The following ARHGEF11 variants were observed in gnomAD, a reference collection of about 807,000 sequenced individuals.
ARHGEF11 encodes the protein Rho guanine exchange factor (GEF) 11.
ARHGEF11 carries 55 observed loss-of-function variants against 193.7 expected under a neutral mutation model. That is an observed-to-expected ratio of 0.28 (90% CI 0.23 to 0.36). The LOEUF (loss-of-function observed/expected upper bound fraction) is 0.36. Ranked by LOEUF, ARHGEF11 falls within the 10% of genes least tolerant of loss-of-function variation. The probability of loss-of-function intolerance (pLI) is 1.00; values close to 1 mark genes in which losing one functional copy is unlikely to be tolerated. For synonymous variants in ARHGEF11, 693 were observed against 768.0 expected, an observed-to-expected ratio of 0.90 and a Z score of 1.62; for missense variants, 1,723 against 2,005.6, an observed-to-expected ratio of 0.86 and a Z score of 2.69.
intron 2 of ARHGEF11, among the ~76,000 whole-genome samples, chr1:156,984,767 T>C (rs915816848): frequency 1.3e-4 from 20 of 152,200 alleles, no homozygotes; most frequent in Non-Finnish European, 1.3e-4. Context: ...GGTCTAGCCA[T>C]CCTCCTGAAG....
intron 15 of ARHGEF11, 115 bp from the exon 16 acceptor site, chr1:156,959,257 T>A: frequency 2.4e-6 from 2 of 830,270 alleles, no homozygotes; most frequent in Non-Finnish European, 3.9e-6. Context: ...GAGGAAGGGC[T>A]GGCTTTCTGC....
At chr1:156,967,649 G>T (rs1388554603) in intron 11 of ARHGEF11, among the ~76,000 whole-genome samples, 25 of 152,130 alleles carry the variant, frequency 1.6e-4, no homozygotes, top group Admixed American at 1.6e-3. Flanking sequence ...AAGGAACGGG[G>T]AAACTGAAAA....
Position 156,947,818 on chromosome 1 carries a change from C to T in ARHGEF11, c.2292G>A (p.Val764=). ...QNWQHTVGKD[V]VAGLTQREID... ...TCTCCCGCTGGGTTAGCCCAGCCAC[C>T]ACATCCTTGCCCACTGTATGCTGCC... The change falls in exon 25 of 41, where the codon GTG becomes GTA. Residue 764 remains valine (V), a synonymous_variant. Coordinates refer to ENST00000368194, the MANE Select transcript of ARHGEF11 (RefSeq NM_198236.3). 1.2e-6 allele frequency: 2 copies of T among 1,613,910 alleles called. No homozygotes were observed. The highest frequency in any genetic ancestry group is 1.7e-6 in the Non-Finnish European group (2 of 1,179,988).
chr1:157,017,728 A>AG (rs1167744825), intron 1 of ARHGEF11, among the ~76,000 whole-genome samples: 1 of 151,270 alleles, frequency 6.6e-6, no homozygotes, highest in African/African-American at 2.4e-5. Context: ...AAAAAAAAAA[A>AG]AAAGAAACGG....
intron 10 of ARHGEF11, among the ~76,000 whole-genome samples, chr1:156,968,703 T>A (rs1036395591): frequency 2.0e-5 from 3 of 152,266 alleles, no homozygotes; most frequent in African/African-American, 7.2e-5. Context: ...TTTGCTAACT[T>A]CATTACTACT....
Position 156,944,744 on chromosome 1 carries a change from C to T in ARHGEF11, c.2991+275G>A, listed in dbSNP as rs541113416. 2.0e-5 allele frequency among the ~76,000 whole-genome samples: 3 copies of T among 152,300 alleles called. No individual in the cohort carries two copies. In the South Asian group the frequency reaches 6.2e-4, roughly 32 times the overall value. ...GCCCATGCCTCCAGCTCTATTCCCT[C>T]CCAGAAGATCTCCACCTTACCTCCA... is the stretch of plus-strand genomic sequence containing the variant. On this transcript the variant is annotated intron_variant, in intron 30 of 40. Coordinates refer to ENST00000368194, the MANE Select transcript of ARHGEF11 (RefSeq NM_198236.3).
chr1:156,948,659 C>A lies in ARHGEF11; in HGVS notation c.1926-161G>T. The A allele has an allele frequency of 1.9e-6, 3 of 1,546,844 alleles. No individual in the cohort carries two copies. The highest frequency in any genetic ancestry group is 2.6e-6 in the Non-Finnish European group (3 of 1,151,638). ...CAGCTGGATGGCAGTGGAAGCTTCT[C>A]AATGACAGACTATTTTTGCTGCTCT... On this transcript the variant is annotated intron_variant, in intron 22 of 40. Coordinates refer to ENST00000368194, the MANE Select transcript of ARHGEF11 (RefSeq NM_198236.3). The surrounding 1 kb of genome is among the most constrained non-coding windows in gnomAD (Gnocchi z 4.2).
chr1:156,978,255 A>G lies in ARHGEF11; in HGVS notation c.459T>C (p.Pro153=). 2 of 1,613,884 alleles carry G rather than the reference A, an allele frequency of 1.2e-6. No individual in the cohort carries two copies. Among genetic ancestry groups the G allele is most frequent in the Non-Finnish European group, 1.7e-6 (2 of 1,179,962 alleles). Residue 153 remains proline, a synonymous_variant, in exon 6 of 41, where the codon CCT becomes CCC. Transcript: ENST00000368194. ...GTTGTGGAGGTGGTAGAGGTGGAGG[A>G]GGTGGTGGTGAGGGGATCACTGACG... The part of the protein sequence containing the change: ...RITSVIPSPP[P]PPPLPPPQRI...
chr1:157,013,299 A>C (rs72700736), intron 1 of ARHGEF11, among the ~76,000 whole-genome samples: 2,594 of 148,700 alleles, frequency 0.017, 40 homozygotes, highest in Middle Eastern at 0.035. Flanking sequence ...ACACACACAC[A>C]CCAAGAACCT....
upstream of ARHGEF11, among the ~76,000 whole-genome samples, chr1:157,045,823 G>GCCGC (rs1187457893): frequency 2.0e-5 from 3 of 150,978 alleles, no homozygotes; most frequent in South Asian, 2.1e-4. Context: ...GGCCCGGCCG[G>GCCGC]CCGCCCCCCT....
intron 1 of ARHGEF11, among the ~76,000 whole-genome samples, chr1:156,996,802 G>A (rs1666574233): frequency 7.0e-6 from 1 of 142,664 alleles, no homozygotes; most frequent in Non-Finnish European, 1.5e-5. Context: ...AAAGACAAGG[G>A]TCTCCATCCT....
chr1:157,022,616 G>C (rs1670129119), intron 1 of ARHGEF11, among the ~76,000 whole-genome samples: 1 of 152,166 alleles, frequency 6.6e-6, no homozygotes, highest in Non-Finnish European at 1.5e-5. Flanking sequence ...CTACAGATTT[G>C]ATGCAATCCC....
Position 156,948,800 on chromosome 1 carries a change from T to C in ARHGEF11, c.1926-302A>G, listed in dbSNP as rs115286841. 19,408 of 985,354 alleles carry C rather than the reference T, an allele frequency of 0.02. 209 individuals are homozygous for C. Among genetic ancestry groups the C allele is most frequent in the Non-Finnish European group, 0.022 (18,204 of 829,924 alleles). The allele number at this position is 985,354 out of a possible 1,614,324, so 61.0% of individuals were successfully genotyped here. ...AAATCTGGGGCTAACAGACTCTGAG[T>C]TGTAGTGTGTCCAGAGGCCTGAGAC... On this transcript the variant is annotated intron_variant, in intron 22 of 40. Transcript: ENST00000368194. The surrounding 1 kb of genome is among the most constrained non-coding windows in gnomAD (Gnocchi z 4.2).
chr1:156,958,626 G>C, intron 17 of ARHGEF11, 116 bp downstream of exon 17: 1 of 1,456,334 alleles, frequency 6.9e-7, no homozygotes, highest in Non-Finnish European at 9.4e-7. Context: ...CATCTTTCAG[G>C]GGCAGGAGAA....
chr1:156,945,120 C>G lies in ARHGEF11; in HGVS notation c.2890G>C (p.Val964Leu). 6.2e-7 allele frequency: 1 copy of G among 1,614,192 alleles called. No individual in the cohort carries two copies. The highest frequency in any genetic ancestry group is 1.7e-5 in the Admixed American group (1 of 60,032). ...REILKYVNEA[V>L]KQTENRHRLE... ...CGGTGGCGGTTCTCTGTTTGTTTTA[C>G]CGCTTCATTCACATACTTGAGAATC... The change falls in exon 30 of 41, where the codon GTA becomes CTA. Residue 964 changes from valine (V) to leucine (L), a missense_variant. Val to Leu is a conservative substitution (Grantham distance 32, BLOSUM62 1). Coordinates refer to ENST00000368194, the MANE Select transcript of ARHGEF11 (RefSeq NM_198236.3).
intron 1 of ARHGEF11, among the ~76,000 whole-genome samples, chr1:156,990,451 T>C (rs1317853172): frequency 6.6e-6 from 1 of 152,224 alleles, no homozygotes; most frequent in East Asian, 1.9e-4. Flanking sequence ...TGAGACTGCA[T>C]AGATACTCTG....
At chr1:156,992,325 A>G (rs1483816175) in intron 1 of ARHGEF11, among the ~76,000 whole-genome samples, 1 of 152,166 alleles carries the variant, frequency 6.6e-6, no homozygotes, top group Non-Finnish European at 1.5e-5. Context: ...TGCAGCCCGC[A>G]TTGGCGCACA....
chr1:156,944,185 A>G, intron 31 of ARHGEF11, 83 bp from the exon 32 acceptor site: 1 of 1,529,144 alleles, frequency 6.5e-7, no homozygotes, highest in Non-Finnish European at 8.9e-7. Flanking sequence ...AGGCTCTTGG[A>G]GGCTCTAGGA....
chr1:157,028,137 T>C (rs1429317216), intron 1 of ARHGEF11, among the ~76,000 whole-genome samples: 4 of 152,260 alleles, frequency 2.6e-5, no homozygotes, highest in Middle Eastern at 3.4e-3. Flanking sequence ...TGATTAGAAT[T>C]ACGTTAAGCC....
Sources: gnomAD v4.1 joint callset for allele counts (sites outside exome capture counted in the v4.1 genomes callset) on GRCh38, gnomAD v4.1.1 for gene constraint, Gnocchi (gnomAD v3.1) non-coding constraint, MANE v1.5 for transcripts, NCBI Gene and HGNC (gene_info 2026-07-23, HGNC 2026-07-21) for gene names.